The following SLC4A4 variants were observed in gnomAD, a reference collection of about 807,000 sequenced individuals.
SLC4A4 encodes solute carrier family 4 member 4.
SLC4A4 carries 27 observed loss-of-function variants against 111.5 expected under a neutral mutation model. The ratio of observed to expected loss-of-function variants is 0.24; its 90% CI spans 0.18 to 0.33. The LOEUF (loss-of-function observed/expected upper bound fraction) is 0.33, where lower values mean the gene tolerates loss of function less well. SLC4A4 is among the 10% of genes least tolerant of loss of function. The pLI is 1.00. For missense variants in SLC4A4, 909 were observed against 1,315.5 expected (o/e 0.69, Z 4.78); for synonymous variants, 443 against 463.4 (o/e 0.96, Z 0.57).
At chr4:71,138,738 TA>T (rs1475004114) in intron 2 of SLC4A4, among the ~76,000 whole-genome samples, 2 of 152,008 alleles carry the variant, frequency 1.3e-5, no homozygotes, top group African/African-American at 2.4e-5. Flanking sequence ...GGGGGCCAGG[TA>T]AAGAATCAGT....
At chr4:71,098,450 C>A (rs1742622335) in intron 2 of SLC4A4, among the ~76,000 whole-genome samples, 1 of 152,136 alleles carries the variant, frequency 6.6e-6, no homozygotes, top group Admixed American at 6.6e-5. Context: ...AGTTTGAAGT[C>A]AGGTAGCATG....
At chr4:71,261,951 G>A (rs1313080679) in intron 3 of SLC4A4, among the ~76,000 whole-genome samples, 1 of 152,054 alleles carries the variant, frequency 6.6e-6, no homozygotes, top group Non-Finnish European at 1.5e-5. Context: ...GAAAATGGGG[G>A]GAAACCAGAA....
intron 16 of SLC4A4, among the ~76,000 whole-genome samples, chr4:71,504,968 G>A (rs1330367604): frequency 6.6e-6 from 1 of 152,094 alleles, no homozygotes; most frequent in Non-Finnish European, 1.5e-5. Flanking sequence ...TTATAAGTGA[G>A]AACATGTGGT....
At position 71,176,180 on chromosome 4, in the gene SLC4A4, C is replaced by T. The variant is rs202114621; in HGVS notation, c.-1-60396C>T. Among the ~76,000 whole-genome samples, 9 of 152,178 alleles carry T rather than the reference C, an allele frequency of 5.9e-5. No individual in the cohort carries two copies. The East Asian group carries it at 1.2e-3, about 20-fold the overall frequency. On this transcript the variant is annotated intron_variant, in intron 2 of 26. Transcript: ENST00000649996. ...ACATCCACACCAAACCCCATCTGTACGTCACCATCATCAAAGACCAAAGGT... is the reference window on the plus strand; with the variant it reads ...ACATCCACACCAAACCCCATCTGTATGTCACCATCATCAAAGACCAAAGGT...
intron 14 of SLC4A4, among the ~76,000 whole-genome samples, chr4:71,474,758 TAAG>T (rs1728205630): frequency 6.6e-6 from 1 of 151,982 alleles, no homozygotes; most frequent in Admixed American, 6.6e-5. Context: ...TTCAAACTAA[TAAG>T]AATGCCATAT....
rs563934128 is a variant in SLC4A4 at position 71,337,819 on chromosome 4, T to TTTAA, written c.254-1528_254-1525dup. 9.3e-3 allele frequency among the ~76,000 whole-genome samples: 1,412 copies of TTTAA among 151,684 alleles called. 26 individuals are homozygous for TTTAA. Among genetic ancestry groups the TTTAA allele is most frequent in the African/African-American group, 0.031 (1,282 of 41,256 alleles). ...ATCATTTTTTTTTTTATTTTTGACATTTAATTAATTAATTAATTAATTAAT... is the reference window on the plus strand; with the variant it reads ...ATCATTTTTTTTTTTATTTTTGACATTTAATTAATTAATTAATTAATTAATTAAT... On this transcript the variant is annotated intron_variant, in intron 3 of 25. Transcript: ENST00000264485.
rs1462229875 is a variant in SLC4A4 at position 71,472,868 on chromosome 4, T to C, written c.1801T>C (p.Phe601Leu). Residue 601 changes from phenylalanine to leucine, a missense_variant, in exon 14 of 26, where the codon TTC becomes CTC. Physicochemically the swap from Phe to Leu is conservative, Grantham distance 22. This residue lies in a region of SLC4A4 where 264 missense variants were observed against 356.8 expected (regional missense o/e 0.74). Coordinates refer to ENST00000264485, the MANE Select transcript of SLC4A4 (RefSeq NM_001098484.3). ...TAGCTTCATCTTTATCTATGATGCTTTCAAGAAGATGATCAAGCTTGCAGA... is the reference window on the plus strand; with the variant it reads ...TAGCTTCATCTTTATCTATGATGCTCTCAAGAAGATGATCAAGCTTGCAGA... The part of the protein sequence containing the change: ...LISFIFIYDA[F>L]KKMIKLADYY... The C allele has an allele frequency of 6.2e-7, 1 of 1,612,746 alleles. No homozygotes were observed. Among genetic ancestry groups the C allele is most frequent in the Non-Finnish European group, 8.5e-7 (1 of 1,179,306 alleles).
At chr4:71,103,353 A>G (rs1742816465) in intron 2 of SLC4A4, among the ~76,000 whole-genome samples, 1 of 152,162 alleles carries the variant, frequency 6.6e-6, no homozygotes, top group South Asian at 2.1e-4. Flanking sequence ...TCAACATTAG[A>G]CAGATCAACG....
At chr4:71,539,346 C>G (rs1236652978) in intron 18 of SLC4A4, among the ~76,000 whole-genome samples, 1 of 151,922 alleles carries the variant, frequency 6.6e-6, no homozygotes, top group African/African-American at 2.4e-5. Context: ...CACTTTGGCC[C>G]CTTTAAATCT....
At chr4:71,512,495 T>C (rs1377415430) in intron 16 of SLC4A4, among the ~76,000 whole-genome samples, 1 of 152,168 alleles carries the variant, frequency 6.6e-6, no homozygotes, top group African/African-American at 2.4e-5. Context: ...GAATTATTTG[T>C]TTTTCTTTTC....
intron 2 of SLC4A4, among the ~76,000 whole-genome samples, chr4:71,131,114 A>G (rs1641076218): frequency 6.6e-6 from 1 of 152,228 alleles, no homozygotes; most frequent in African/African-American, 2.4e-5. Flanking sequence ...TGCCTTATTC[A>G]TCATGAGATC....
In SLC4A4 at chr4:71,571,620, A is replaced by G. The variant is rs1391465020; in HGVS notation, c.*3869A>G. On this transcript the variant is annotated 3_prime_UTR_variant, in exon 26 of 26. Transcript: ENST00000264485. ...TTCTGTTTCCTAGGCAAACATTGCA[A>G]CTCAGGGCTAAAGTCATCCAGTGAA... The G allele has an allele frequency of 6.6e-6, 1 of 152,306 alleles. No homozygotes were observed. Among genetic ancestry groups the G allele is most frequent in the Non-Finnish European group, 1.5e-5 (1 of 67,884 alleles). 9.4% of individuals were successfully genotyped at this position (152,306 alleles called of 1,614,324 possible).
At chr4:71,447,886 C>A (rs567343969) in intron 9 of SLC4A4, among the ~76,000 whole-genome samples, 153 bp downstream of exon 9, 73 of 152,162 alleles carry the variant, frequency 4.8e-4, no homozygotes, top group Non-Finnish European at 1.6e-4. Context: ...TGAGCTGAAT[C>A]CTATATGGTT....
At chr4:71,130,427 G>C (rs189681905) in intron 2 of SLC4A4, among the ~76,000 whole-genome samples, 57 of 152,034 alleles carry the variant, frequency 3.7e-4, no homozygotes, top group Non-Finnish European at 5.0e-4. Flanking sequence ...TGTAGAGAAG[G>C]GGGTCTCACT....
At chr4:71,197,742 A>T (rs1245029384) in intron 1 of SLC4A4, among the ~76,000 whole-genome samples, 1 of 152,228 alleles carries the variant, frequency 6.6e-6, no homozygotes, top group Non-Finnish European at 1.5e-5. Context: ...AAAAAGATTT[A>T]TAAGGAATAG....
chr4:71,268,075 G>GTTTTTTTTTT lies in SLC4A4; in HGVS notation c.253+12689_253+12698dup, dbSNP rs10657146. Among the ~76,000 whole-genome samples the GTTTTTTTTTT allele has an allele frequency of 2.4e-4, 21 of 87,588 alleles. 4 individuals carry two copies. The highest frequency in any genetic ancestry group is 5.5e-4 in the African/African-American group (12 of 21,994). 57.5% of individuals were successfully genotyped at this position (87,588 alleles called of 152,430 possible). The stretch of plus-strand genomic sequence containing the variant: ...ATATCAGTGTGCCAAATAAAGTAGT[G>GTTTTTTTTTT]TTTTTTTTTTTTTTTTTTTTTTGCC... On this transcript the variant is annotated intron_variant, in intron 3 of 25. Transcript: ENST00000264485.
intron 1 of SLC4A4, among the ~76,000 whole-genome samples, chr4:71,073,740 C>T (rs1300025826): frequency 2.0e-5 from 3 of 151,890 alleles, no homozygotes; most frequent in African/African-American, 7.3e-5. Context: ...AGTACCTGCA[C>T]ATAAAAAAAA....
intron 7 of SLC4A4, among the ~76,000 whole-genome samples, chr4:71,428,779 A>G (rs546006639): frequency 1.3e-5 from 2 of 152,226 alleles, no homozygotes; most frequent in Admixed American, 1.3e-4. Flanking sequence ...GAAAACAGGT[A>G]CAGATTTGAA....
intron 6 of SLC4A4, among the ~76,000 whole-genome samples, chr4:71,380,271 A>G (rs1717988385): frequency 1.3e-5 from 2 of 152,340 alleles, no homozygotes; most frequent in South Asian, 2.1e-4. Context: ...TACTCCAGCT[A>G]TCATTTATTA....
Sources: gnomAD v4.1 joint callset for allele counts (sites outside exome capture counted in the v4.1 genomes callset) on GRCh38, gnomAD v4.1.1 for gene constraint, gnomAD v4.1.1 regional missense constraint, MANE v1.5 for transcripts, NCBI Gene and HGNC (gene_info 2026-07-23, HGNC 2026-07-21) for gene names.